The following XPR1 variants were observed in gnomAD, a reference collection of about 807,000 sequenced individuals.
XPR1 encodes solute carrier family 53 member 1.
Under a neutral mutation model 87.5 loss-of-function variants are expected in XPR1, and 28 were observed. The observed-to-expected ratio is 0.32, with a 90% CI of 0.24 to 0.44. The LOEUF (loss-of-function observed/expected upper bound fraction) is 0.44. Among genes scored for constraint, XPR1 ranks in the 20% least tolerant of loss-of-function variants. XPR1 has a pLI of 1.00. For synonymous variants in XPR1, 300 were observed against 306.1 expected (o/e 0.98, Z 0.21); for missense variants, 559 against 862.3 (o/e 0.65, Z 4.41).
rs967317877 is a variant in XPR1 at position 180,889,273 on chromosome 1, A to G, written c.*5207A>G. 5.3e-5 allele frequency: 8 copies of G among 152,196 alleles called. No individual in the cohort carries two copies. The highest frequency in any genetic ancestry group is 7.3e-5 in the Non-Finnish European group (5 of 68,036). 9.4% of individuals were successfully genotyped at this position (152,196 alleles called of 1,614,324 possible). A position where few individuals can be genotyped will look rare whatever the true frequency, so the allele number is the denominator to read the frequency against. On this transcript the variant is annotated 3_prime_UTR_variant, in exon 15 of 15. Transcript: ENST00000367590. ...CCTAAGGAGGACAATCAAATAACCTATTGTTTGCCTTGGATTCAGTATATC... is the reference window on the plus strand; with the variant it reads ...CCTAAGGAGGACAATCAAATAACCTGTTGTTTGCCTTGGATTCAGTATATC...
At chr1:180,806,673 ATTT>A in intron 6 of XPR1, 116 bp downstream of exon 6, 1 of 754,474 alleles carries the variant, frequency 1.3e-6, no homozygotes. Flanking sequence ...AGTAGTTGCT[ATTT>A]TTCTTATTTT....
At chr1:180,832,733 T>C (rs1651116493) in intron 9 of XPR1, among the ~76,000 whole-genome samples, 2 of 152,110 alleles carry the variant, frequency 1.3e-5, no homozygotes. Context: ...GCCTCTGTTC[T>C]GTTCCAATAC....
chr1:180,873,736 C>T lies in XPR1; in HGVS notation c.1669-67C>T. ...GTGAGTCTTGTTTGTAGGACATATG[C>T]TCATTGGTATGCCTATTTATGAGAA... On this transcript the variant is annotated intron_variant, in intron 12 of 14. Transcript: ENST00000367590. 3 of 1,556,140 alleles carry T rather than the reference C, an allele frequency of 1.9e-6. No individual in the cohort carries two copies. In the East Asian group the frequency reaches 6.8e-5, roughly 35 times the overall value.
intron 2 of XPR1, among the ~76,000 whole-genome samples, chr1:180,760,444 A>G (rs1647968990): frequency 6.6e-6 from 1 of 152,220 alleles, no homozygotes; most frequent in Non-Finnish European, 1.5e-5. Flanking sequence ...ATGTACAAAA[A>G]TCACAAGCAT....
Position 180,636,723 on chromosome 1 carries a change from C to T in XPR1, c.69+4453C>T, listed in dbSNP as rs547049200. Among the ~76,000 whole-genome samples, 16 of 152,062 alleles carry T rather than the reference C, an allele frequency of 1.1e-4. No homozygotes were observed. In the South Asian group the frequency reaches 3.3e-3, roughly 32 times the overall value. On this transcript the variant is annotated intron_variant, in intron 1 of 14. Coordinates refer to ENST00000367590, the MANE Select transcript of XPR1 (RefSeq NM_004736.4). ...GTTGTAGGCCCCAAAGGAGTGTGCCCAAAACTCCCATGGAGTAAAGAGAAG... is the reference window on the plus strand; with the variant it reads ...GTTGTAGGCCCCAAAGGAGTGTGCCTAAAACTCCCATGGAGTAAAGAGAAG...
At chr1:180,696,208 G>GTGTATATATA (rs1241189679) in intron 2 of XPR1, among the ~76,000 whole-genome samples, 11 of 88,592 alleles carry the variant, frequency 1.2e-4, no homozygotes, top group South Asian at 4.8e-4. Flanking sequence ...GTGTGTGTGT[G>GTGTATATATA]TATATATATA....
chr1:180,661,826 G>A (rs1321068788), intron 1 of XPR1, among the ~76,000 whole-genome samples: 1 of 152,124 alleles, frequency 6.6e-6, no homozygotes, highest in African/African-American at 2.4e-5. Flanking sequence ...AGTTAGCCAA[G>A]ATCATGCCAC....
chr1:180,724,228 A>G (rs2102000639), intron 2 of XPR1, among the ~76,000 whole-genome samples: 1 of 152,320 alleles, frequency 6.6e-6, no homozygotes, highest in Admixed American at 6.5e-5. Flanking sequence ...GATATCAAAG[A>G]ATATCTAGAG....
At chr1:180,815,446 G>A (rs189639172) in intron 7 of XPR1, among the ~76,000 whole-genome samples, 3 of 151,998 alleles carry the variant, frequency 2.0e-5, no homozygotes, top group African/African-American at 4.8e-5. Flanking sequence ...ATCTTCCAGC[G>A]GGTGCTTAAA....
intron 11 of XPR1, among the ~76,000 whole-genome samples, chr1:180,853,350 A>G (rs1558039229): frequency 6.6e-6 from 1 of 151,834 alleles, no homozygotes; most frequent in Non-Finnish European, 1.5e-5. Context: ...GTTAACAGTG[A>G]GTTTTATTTC....
At chr1:180,798,149 A>C (rs1353234242) in intron 3 of XPR1, among the ~76,000 whole-genome samples, 1 of 152,144 alleles carries the variant, frequency 6.6e-6, no homozygotes, top group African/African-American at 2.4e-5. Flanking sequence ...CAAAATTATC[A>C]GGAAAATAAT....
intron 2 of XPR1, among the ~76,000 whole-genome samples, chr1:180,690,445 T>G (rs941479678): frequency 3.9e-5 from 6 of 152,158 alleles, no homozygotes; most frequent in South Asian, 2.1e-4. Flanking sequence ...ATAGGCTGCT[T>G]CTTATAATCC....
Position 180,863,881 on chromosome 1 carries a change from A to G in XPR1, c.1668+7A>G. The G allele has an allele frequency of 1.3e-6, 2 of 1,576,648 alleles. No homozygotes were observed. The highest frequency in any genetic ancestry group is 4.5e-5 in the East Asian group (2 of 44,192). On this transcript the variant is annotated splice_region_variant and intron_variant, in intron 12 of 14. Transcript: ENST00000367590. The stretch of plus-strand genomic sequence containing the variant: ...GATTGTATACCCCCAAAAAGTATGT[A>G]TAAAGAGTGTGTTTGTTTAAAAGAA...
intron 11 of XPR1, among the ~76,000 whole-genome samples, chr1:180,857,327 A>C (rs1652070770): frequency 6.6e-6 from 1 of 152,148 alleles, no homozygotes; most frequent in Non-Finnish European, 1.5e-5. Context: ...TGAAATCATC[A>C]TCTTTACTTA....
At chr1:180,880,902 G>A (rs1204917218) in intron 14 of XPR1, among the ~76,000 whole-genome samples, 1 of 152,130 alleles carries the variant, frequency 6.6e-6, no homozygotes, top group Non-Finnish European at 1.5e-5. Context: ...ACAGTATATG[G>A]TGACTGCATA....
intron 7 of XPR1, among the ~76,000 whole-genome samples, chr1:180,817,064 A>G (rs1650436268): frequency 6.6e-6 from 1 of 152,136 alleles, no homozygotes; most frequent in African/African-American, 2.4e-5. Context: ...ATGTGTGTTA[A>G]TGCCTTAGTT....
intron 2 of XPR1, among the ~76,000 whole-genome samples, chr1:180,772,369 A>C (rs1321836665): frequency 6.6e-6 from 1 of 152,006 alleles, no homozygotes; most frequent in African/African-American, 2.4e-5. Context: ...GACTCCTTTT[A>C]TTTGGAGAAT....
intron 2 of XPR1, among the ~76,000 whole-genome samples, chr1:180,695,750 G>A (rs1273198635): frequency 1.3e-5 from 2 of 151,956 alleles, no homozygotes; most frequent in South Asian, 4.2e-4. Context: ...TAAATATGTG[G>A]GTTTATTTTT....
chr1:180,764,906 C>T (rs948898908), intron 2 of XPR1, among the ~76,000 whole-genome samples: 3 of 151,696 alleles, frequency 2.0e-5, no homozygotes, highest in South Asian at 4.2e-4. Context: ...CTGCCTCAGC[C>T]TCCTGAGTAG....
Sources: gnomAD v4.1 joint callset for allele counts (sites outside exome capture counted in the v4.1 genomes callset) on GRCh38, gnomAD v4.1.1 for gene constraint, MANE v1.5 for transcripts, NCBI Gene and HGNC (gene_info 2026-07-23, HGNC 2026-07-21) for gene names.